Variants in NPAS2 observed in about 807,000 individuals in gnomAD.
NPAS2 encodes neuronal PAS domain protein 2.
In NPAS2, 23 loss-of-function variants were observed where a neutral mutation model predicts 107.5. The observed-to-expected ratio is 0.21, with a 90% CI of 0.15 to 0.30. The LOEUF (loss-of-function observed/expected upper bound fraction) is 0.30, where lower values mean the gene tolerates loss of function less well. Ranked by LOEUF, NPAS2 falls within the 10% of genes least tolerant of loss-of-function variation. The probability of loss-of-function intolerance (pLI) is 1.00; values close to 1 mark genes in which losing one functional copy is unlikely to be tolerated. For missense variants in NPAS2, 756 were observed against 1,043.3 expected (o/e 0.72, Z 3.79); for synonymous variants, 403 against 417.5 (o/e 0.97, Z 0.42).
chr2:100,940,209 G>A (rs1390751966), intron 5 of NPAS2, among the ~76,000 whole-genome samples: 1 of 152,230 alleles, frequency 6.6e-6, no homozygotes, highest in African/African-American at 2.4e-5. Flanking sequence ...ACTATGGGGA[G>A]GAAGCCCCAA....
At chr2:100,904,516 C>T (rs1232406606) in intron 1 of NPAS2, among the ~76,000 whole-genome samples, 1 of 151,840 alleles carries the variant, frequency 6.6e-6, no homozygotes, top group African/African-American at 2.4e-5. Context: ...TGAAAGAGTG[C>T]CTGTGCATTT....
chr2:100,836,252 G>T (rs1199338472), intron 1 of NPAS2, among the ~76,000 whole-genome samples: 1 of 152,090 alleles, frequency 6.6e-6, no homozygotes, highest in African/African-American at 2.4e-5. Context: ...AATCAAATTT[G>T]CCCTAGCGAC....
Position 100,925,233 on chromosome 2 carries a change from G to T in NPAS2, c.120G>T (p.Thr40=). 6.2e-7 allele frequency: 1 copy of T among 1,614,026 alleles called. No individual in the cohort carries two copies. Among genetic ancestry groups the T allele is most frequent in the Non-Finnish European group, 8.5e-7 (1 of 1,179,984 alleles). The change falls in exon 3 of 21, where the codon ACG becomes ACT. Residue 40 remains threonine (T), a synonymous_variant. Coordinates refer to ENST00000335681, the MANE Select transcript of NPAS2 (RefSeq NM_002518.4). ...TCAGTTCCATGCTCCCTGGCAACAC[G>T]CGGAAAATGGACAAAACCACCGTGT... ...KELSSMLPGN[T]RKMDKTTVLE...
At chr2:100,832,197 A>G (rs1378007860) in intron 1 of NPAS2, among the ~76,000 whole-genome samples, 3 of 152,202 alleles carry the variant, frequency 2.0e-5, no homozygotes, top group Non-Finnish European at 2.9e-5. Flanking sequence ...GAATGAGAGA[A>G]GAACTGTGCT....
rs567667117 is a variant in NPAS2 at position 100,934,779 on chromosome 2, C to T, written c.273+1778C>T. 7.0e-4 allele frequency: 691 copies of T among 985,386 alleles called. 7 individuals carry two copies. The South Asian group carries it at 0.028, about 40-fold the overall frequency. 61.0% of individuals were successfully genotyped at this position (985,386 alleles called of 1,614,324 possible). A position where few individuals can be genotyped will look rare whatever the true frequency, so the allele number is the denominator to read the frequency against. On this transcript the variant is annotated intron_variant, in intron 4 of 20. Transcript: ENST00000335681. ...GGTTGGGGGAGATGGGGAGCTCCCA[C>T]GGTGATGTCACCATTGTCCAGTGCA... is the stretch of plus-strand genomic sequence containing the variant.
At chr2:100,904,824 T>G in intron 2 of NPAS2, 38 bp downstream of exon 2, 2 of 1,511,898 alleles carry the variant, frequency 1.3e-6, no homozygotes, top group Non-Finnish European at 9.1e-7. Context: ...CAGAGCTCTC[T>G]GGCCCCCGGG....
At chr2:100,882,183 A>G in intron 1 of NPAS2, among the ~76,000 whole-genome samples, 1 of 152,204 alleles carries the variant, frequency 6.6e-6, no homozygotes, top group East Asian at 1.9e-4. Flanking sequence ...CCCAGTGGCA[A>G]CATCTTAACG....
intron 2 of NPAS2, among the ~76,000 whole-genome samples, chr2:100,915,902 G>C (rs555406337): frequency 1.3e-5 from 2 of 152,096 alleles, no homozygotes; most frequent in Non-Finnish European, 2.9e-5. Flanking sequence ...ATCTGATAGG[G>C]TATATTTAGT....
intron 1 of NPAS2, among the ~76,000 whole-genome samples, chr2:100,870,848 C>G (rs1336678804): frequency 1.3e-5 from 2 of 152,228 alleles, no homozygotes; most frequent in African/African-American, 4.8e-5. Flanking sequence ...ATGCTTCAGT[C>G]CCATCTAGGT....
chr2:100,844,470 G>A (rs1431870100), intron 1 of NPAS2, among the ~76,000 whole-genome samples: 2 of 152,144 alleles, frequency 1.3e-5, no homozygotes, highest in African/African-American at 2.4e-5. Context: ...CAGTGGTACC[G>A]AGGAGGAGGG....
Position 100,993,509 on chromosome 2 carries a change from A to G in NPAS2, c.2274A>G (p.Pro758=). The G allele has an allele frequency of 6.3e-7, 1 of 1,581,348 alleles. No individual in the cohort carries two copies. The highest frequency in any genetic ancestry group is 8.6e-7 in the Non-Finnish European group (1 of 1,163,560). ...PLQPAQARQQ[P]PQHYLQVQAP... ...AGCCTGCACAGGCCCGGCAGCAGCC[A>G]CCGCAGCACTACCTGCAGGTGGGTG... The change falls in exon 20 of 21, where the codon CCA becomes CCG. Residue 758 remains proline, a synonymous_variant. Transcript: ENST00000335681.
At chr2:100,961,588 G>C (rs17020663) in intron 7 of NPAS2, among the ~76,000 whole-genome samples, 15,545 of 152,186 alleles carry the variant, frequency 0.1, 1,041 homozygotes, top group East Asian at 0.23. Context: ...TAAAGACTTA[G>C]ATGCTATAAA....
At chr2:100,871,229 A>T (rs1174298530) in intron 1 of NPAS2, among the ~76,000 whole-genome samples, 1 of 152,098 alleles carries the variant, frequency 6.6e-6, no homozygotes, top group African/African-American at 2.4e-5. Flanking sequence ...TAGCCCATCA[A>T]ACTGAAAATA....
Position 100,993,296 on chromosome 2 carries a change from A to G in NPAS2, c.2112-51A>G, listed in dbSNP as rs369284907. ...TTGTTGCTCGTGCTTTTGGTGTCGTATCAATACTGCTTTCTTAAAGGACCT... is the reference window on the plus strand; with the variant it reads ...TTGTTGCTCGTGCTTTTGGTGTCGTGTCAATACTGCTTTCTTAAAGGACCT... On this transcript the variant is annotated intron_variant, in intron 19 of 20. Coordinates refer to ENST00000335681, the MANE Select transcript of NPAS2 (RefSeq NM_002518.4). The G allele has an allele frequency of 1.5e-4, 215 of 1,476,524 alleles. 2 individuals carry two copies. The highest frequency in any genetic ancestry group is 9.1e-4 in the Middle Eastern group (5 of 5,514). The allele number at this position is 1,476,524 out of a possible 1,614,324, so 91.5% of individuals were successfully genotyped here.
At chr2:100,960,973 A>G (rs1045756283) in intron 7 of NPAS2, among the ~76,000 whole-genome samples, 96 of 152,168 alleles carry the variant, frequency 6.3e-4, no homozygotes, top group Non-Finnish European at 1.5e-4. Context: ...AGTAAGGTCA[A>G]TTTTGAGTAA....
chr2:100,883,082 G>T (rs1185377561), intron 1 of NPAS2, among the ~76,000 whole-genome samples: 2 of 152,176 alleles, frequency 1.3e-5, no homozygotes, highest in African/African-American at 4.8e-5. Flanking sequence ...CAGTGTCTAT[G>T]ATGGATTGGA....
chr2:100,818,942 G>C (rs1049538143), upstream of NPAS2, among the ~76,000 whole-genome samples: 2 of 152,162 alleles, frequency 1.3e-5, no homozygotes, highest in African/African-American at 2.4e-5. Flanking sequence ...ACCTCGGCGG[G>C]GCACACGGTC....
chr2:100,973,256 C>T (rs1356973947), intron 12 of NPAS2, among the ~76,000 whole-genome samples: 3 of 152,130 alleles, frequency 2.0e-5, no homozygotes, highest in Non-Finnish European at 2.9e-5. Flanking sequence ...CCAAACTATC[C>T]GTGGTATTGA....
intron 7 of NPAS2, among the ~76,000 whole-genome samples, chr2:100,952,162 A>G (rs1239308074): frequency 2.0e-5 from 3 of 148,048 alleles, no homozygotes; most frequent in African/African-American, 7.6e-5. Flanking sequence ...AAAAAAAAAA[A>G]AAAAAAAAAG....
Sources: gnomAD v4.1 joint callset for allele counts (sites outside exome capture counted in the v4.1 genomes callset) on GRCh38, gnomAD v4.1.1 for gene constraint, MANE v1.5 for transcripts, NCBI Gene and HGNC (gene_info 2026-07-23, HGNC 2026-07-21) for gene names.